SYT17: variants seen among roughly 807,000 people sequenced by gnomAD.
SYT17 encodes synaptotagmin 17, also known as synaptotagmin-17.
SYT17 carries 22 observed loss-of-function variants against 46.7 expected under a neutral mutation model. That is an observed-to-expected ratio of 0.47 (90% CI 0.34 to 0.67). SYT17 has a LOEUF of 0.67. Ranked by LOEUF, SYT17 falls within the 30% of genes least tolerant of loss-of-function variation. The pLI, the probability that SYT17 is intolerant of heterozygous loss-of-function variation, is 0.01. For missense variants in SYT17, 519 were observed against 612.8 expected (o/e 0.85, Z 1.62); for synonymous variants, 251 against 248.4 (o/e 1.01, Z -0.10).
At chr16:19,232,485 C>G (rs988255098) in intron 7 of SYT17, among the ~76,000 whole-genome samples, 2 of 152,056 alleles carry the variant, frequency 1.3e-5, no homozygotes, top group African/African-American at 4.8e-5. Context: ...CAAATAGACC[C>G]AGGAAGGGCA....
At position 19,168,394 on chromosome 16, in the gene SYT17, G is replaced by A; in HGVS notation, c.-253G>A. On this transcript the variant is annotated 5_prime_UTR_variant, in exon 1 of 8. Transcript: ENST00000355377. This position sits in a 1 kb window ranked among gnomAD's most constrained non-coding sequence, Gnocchi z 6.9. Reference sequence around the variant, plus strand: ...GGACAGCGAGGGAGGCCGAGGCGGGGGCCCTGGGCGCCCGATATCTCCGAA... The same window carrying A: ...GGACAGCGAGGGAGGCCGAGGCGGGAGCCCTGGGCGCCCGATATCTCCGAA... 1.8e-6 allele frequency: 1 copy of A among 558,174 alleles called. No individual in the cohort carries two copies. Among genetic ancestry groups the A allele is most frequent in the Non-Finnish European group, 3.1e-6 (1 of 319,268 alleles). The allele number at this position is 558,174 out of a possible 1,614,324, so 34.6% of individuals were successfully genotyped here.
At chr16:19,250,359 T>TTGTGTGTGTGTGTGTGTGTGTGTG (rs55818940) in intron 7 of SYT17, among the ~76,000 whole-genome samples, 17 of 132,566 alleles carry the variant, frequency 1.3e-4, no homozygotes, top group African/African-American at 4.2e-4. Context: ...TCAAACATGT[T>TTGTGTGTGTGTGTGTGTGTGTGTG]TGTGTGTGTG....
chr16:19,241,137 C>T (rs1028213266), intron 7 of SYT17, among the ~76,000 whole-genome samples: 5 of 151,454 alleles, frequency 3.3e-5, no homozygotes, highest in African/African-American at 9.7e-5. Context: ...TTAGTAGAGA[C>T]GGGGTTTCAC....
intron 5 of SYT17, among the ~76,000 whole-genome samples, chr16:19,193,541 G>A (rs1355547841): frequency 3.3e-5 from 5 of 152,186 alleles, no homozygotes; most frequent in East Asian, 3.8e-4. Context: ...GAGTCTGTGC[G>A]TGTGGCCACT....
intron 5 of SYT17, among the ~76,000 whole-genome samples, chr16:19,205,438 CT>C (rs34776896): frequency 0.011 from 1,478 of 133,098 alleles, 23 homozygotes; most frequent in African/African-American, 0.036. Flanking sequence ...CCTTCCTTGA[CT>C]TTTTTTTTTT....
chr16:19,247,621 A>G (rs758017244), intron 7 of SYT17, among the ~76,000 whole-genome samples: 9 of 152,204 alleles, frequency 5.9e-5, no homozygotes, highest in Non-Finnish European at 1.2e-4. Flanking sequence ...GGGAGGTCCC[A>G]ACTCCTTGCC....
In SYT17 at chr16:19,168,596, G is replaced by A; in HGVS notation, c.-51G>A. ...CCCCTCCGCTGTTGGCGAGGGCAAA[G>A]TGGCCGTGGCGGCGCCATGCCCGGG... On this transcript the variant is annotated 5_prime_UTR_variant, in exon 1 of 8. In the 5' UTR this introduces an upstream ATG that the reference lacks. Coordinates refer to ENST00000355377, the MANE Select transcript of SYT17 (RefSeq NM_016524.4). This position sits in a 1 kb window ranked among gnomAD's most constrained non-coding sequence, Gnocchi z 6.9. 1 of 1,542,902 alleles carries A rather than the reference G, an allele frequency of 6.5e-7. No individual in the cohort carries two copies. The highest frequency in any genetic ancestry group is 8.8e-7 in the Non-Finnish European group (1 of 1,142,790).
intron 2 of SYT17, 53 bp from the exon 3 acceptor site, chr16:19,173,377 T>TC: frequency 1.5e-5 from 2 of 133,944 alleles, no homozygotes; most frequent in Non-Finnish European, 2.9e-5. Flanking sequence ...TTCCCCACCC[T>TC]GCCCACCTCC....
intron 5 of SYT17, among the ~76,000 whole-genome samples, chr16:19,187,923 C>T (rs1398980264): frequency 1.3e-5 from 2 of 152,166 alleles, no homozygotes; most frequent in African/African-American, 2.4e-5. Flanking sequence ...AAGACAGTGT[C>T]GCAATTCCTC....
At chr16:19,256,784 C>T (rs551577353) in intron 7 of SYT17, among the ~76,000 whole-genome samples, 1 of 152,166 alleles carries the variant, frequency 6.6e-6, no homozygotes, top group South Asian at 2.1e-4. Flanking sequence ...CATTATGTAA[C>T]CCAGGCTGGT....
intron 7 of SYT17, among the ~76,000 whole-genome samples, chr16:19,247,375 G>A (rs1265861887): frequency 6.6e-6 from 1 of 152,172 alleles, no homozygotes; most frequent in Admixed American, 6.5e-5. Context: ...CTAGCAGTGG[G>A]ATGGCTGGAT....
At chr16:19,237,369 G>A (rs1341989073) in intron 7 of SYT17, among the ~76,000 whole-genome samples, 9 of 152,178 alleles carry the variant, frequency 5.9e-5, no homozygotes, top group Non-Finnish European at 1.2e-4. Context: ...TTTGAGGCAG[G>A]AGGTGGGACT....
At chr16:19,216,972 G>T (rs1966119456) in intron 5 of SYT17, among the ~76,000 whole-genome samples, 1 of 152,114 alleles carries the variant, frequency 6.6e-6, no homozygotes, top group South Asian at 2.1e-4. Context: ...TTCCACAATG[G>T]TTGAACTAAT....
intron 7 of SYT17, among the ~76,000 whole-genome samples, chr16:19,237,432 C>T (rs72779570): frequency 0.061 from 9,305 of 152,136 alleles, 409 homozygotes; most frequent in Non-Finnish European, 0.089. Flanking sequence ...GGGAAAACAG[C>T]TTTCCATAAG....
At chr16:19,236,341 AG>A (rs770844901) in intron 7 of SYT17, among the ~76,000 whole-genome samples, 1 of 152,186 alleles carries the variant, frequency 6.6e-6, no homozygotes, top group Non-Finnish European at 1.5e-5. Context: ...CAAACATATA[AG>A]TTATGATCTA....
chr16:19,178,295 T>C (rs75302407), intron 3 of SYT17, among the ~76,000 whole-genome samples: 76 of 151,866 alleles, frequency 5.0e-4, no homozygotes, highest in African/African-American at 8.0e-4. Context: ...CCGTGTTAGC[T>C]AGGATGGTCT....
intron 5 of SYT17, among the ~76,000 whole-genome samples, chr16:19,206,599 G>C (rs1165956842): frequency 6.6e-6 from 1 of 152,130 alleles, no homozygotes; most frequent in Non-Finnish European, 1.5e-5. Flanking sequence ...TGTTAGCCGA[G>C]TTGATTCCTT....
At chr16:19,195,870 A>C (rs1259193697) in intron 5 of SYT17, among the ~76,000 whole-genome samples, 1 of 152,142 alleles carries the variant, frequency 6.6e-6, no homozygotes, top group Non-Finnish European at 1.5e-5. Flanking sequence ...CCACATTCGC[A>C]GCAACTCGGG....
At chr16:19,217,473 G>A (rs1477586724) in intron 5 of SYT17, among the ~76,000 whole-genome samples, 1 of 152,128 alleles carries the variant, frequency 6.6e-6, no homozygotes, top group Admixed American at 6.5e-5. Flanking sequence ...TGTACAATAT[G>A]TGATTTTTTG....
Sources: gnomAD v4.1 joint callset for allele counts (sites outside exome capture counted in the v4.1 genomes callset) on GRCh38, gnomAD v4.1.1 for gene constraint, Gnocchi (gnomAD v3.1) non-coding constraint, MANE v1.5 for transcripts, NCBI Gene and HGNC (gene_info 2026-07-23, HGNC 2026-07-21) for gene names.